SHROOM2: variants seen among roughly 807,000 people sequenced by gnomAD.
SHROOM2 encodes the protein shroom family member 2.
In SHROOM2, 33 loss-of-function variants were observed where a neutral mutation model predicts 75.9. The observed-to-expected ratio is 0.43, with a 90% CI of 0.33 to 0.58. The LOEUF (loss-of-function observed/expected upper bound fraction) is 0.58, where lower values mean the gene tolerates loss of function less well. SHROOM2 is among the 20% of genes least tolerant of loss of function. SHROOM2 has a pLI of 0.04. For synonymous variants in SHROOM2, 655 were observed against 663.6 expected (o/e 0.99, Z 0.20); for missense variants, 1,434 against 1,461.2 (o/e 0.98, Z 0.30).
intron 1 of SHROOM2, among the ~76,000 whole-genome samples, chrX:9,866,583 A>T (rs72612814): frequency 0.22 from 24,448 of 109,863 alleles, 2,508 homozygotes; most frequent in African/African-American, 0.39. Context: ...TCTGCCTCTT[A>T]CCCCAGGAGT....
chrX:9,893,885 C>T (rs2084307432), intron 3 of SHROOM2, among the ~76,000 whole-genome samples: 1 of 105,879 alleles, frequency 9.4e-6, no homozygotes, highest in Admixed American at 1.0e-4. Flanking sequence ...ACCCAGGAGG[C>T]GAAGGTTGCA....
intron 1 of SHROOM2, among the ~76,000 whole-genome samples, chrX:9,799,730 C>T (rs1029358384): frequency 1.0e-4 from 11 of 110,190 alleles, no homozygotes; most frequent in Non-Finnish European, 1.7e-4. Context: ...TGTGCTTCCT[C>T]GAGATAACGT....
chrX:9,910,240 T>A (rs1440945463), intron 5 of SHROOM2, among the ~76,000 whole-genome samples: 1 of 110,933 alleles, frequency 9.0e-6, no homozygotes, highest in Non-Finnish European at 1.9e-5. Context: ...AACAGAAAAT[T>A]TGAATAAAGT....
At chrX:9,888,202 G>C (rs868672859) in intron 2 of SHROOM2, among the ~76,000 whole-genome samples, 26 of 112,452 alleles carry the variant, frequency 2.3e-4, no homozygotes, top group African/African-American at 8.4e-4. Flanking sequence ...CAGATGCCCA[G>C]AAGCTTTGGG....
chrX:9,857,516 A>C (rs2084078004), intron 1 of SHROOM2, among the ~76,000 whole-genome samples: 1 of 109,200 alleles, frequency 9.2e-6, no homozygotes, highest in Non-Finnish European at 1.9e-5. Flanking sequence ...CCTCCAGAGT[A>C]GCTGGAACTA....
intron 5 of SHROOM2, among the ~76,000 whole-genome samples, chrX:9,911,552 C>A (rs1231408027): frequency 9.0e-6 from 1 of 111,150 alleles, no homozygotes; most frequent in African/African-American, 3.3e-5. Context: ...CTGTGAGGCG[C>A]AGTGGCTGGC....
intron 2 of SHROOM2, chrX:9,874,796 C>T (rs1159585818): frequency 9.2e-6 from 1 of 109,286 alleles, no homozygotes; most frequent in Non-Finnish European, 1.9e-5. Context: ...AAGGGCCAGA[C>T]GTGCTGGCTC....
intron 5 of SHROOM2, among the ~76,000 whole-genome samples, chrX:9,910,053 C>T (rs1417565110): frequency 9.1e-6 from 1 of 110,233 alleles, no homozygotes; most frequent in African/African-American, 3.3e-5. Flanking sequence ...CCAGAGGCCC[C>T]ACCTCCTAAC....
chrX:9,819,660 A>G (rs936345804), intron 1 of SHROOM2, among the ~76,000 whole-genome samples: 3 of 111,646 alleles, frequency 2.7e-5, no homozygotes, highest in Non-Finnish European at 5.6e-5. Flanking sequence ...TACAGGTACT[A>G]ATGGCTGCGC....
At chrX:9,823,035 C>CCTCCTT (rs2083863302) in intron 1 of SHROOM2, among the ~76,000 whole-genome samples, 1 of 17,278 alleles carries the variant, frequency 5.8e-5, no homozygotes, top group African/African-American at 2.1e-4. Context: ...TTCTCCTCCT[C>CCTCCTT]CTCCTCCTCC....
intron 5 of SHROOM2, among the ~76,000 whole-genome samples, chrX:9,926,338 A>T (rs11095522): frequency 9.0e-6 from 1 of 111,373 alleles, no homozygotes; most frequent in Admixed American, 9.6e-5. Context: ...AAATGCTTCA[A>T]AGTTCAAAAC....
At chrX:9,800,377 G>T (rs181876625) in intron 1 of SHROOM2, among the ~76,000 whole-genome samples, 1 of 110,678 alleles carries the variant, frequency 9.0e-6, no homozygotes, top group East Asian at 2.8e-4. Flanking sequence ...GTCATGCTCT[G>T]TCACCCAGGC....
At chrX:9,836,793 G>C (rs1464249456) in intron 1 of SHROOM2, among the ~76,000 whole-genome samples, 6 of 110,914 alleles carry the variant, frequency 5.4e-5, no homozygotes, top group Non-Finnish European at 1.1e-4. Flanking sequence ...GAGTTCAAAG[G>C]TGTGCATCCT....
At chrX:9,878,229 C>G (rs1398451551) in intron 2 of SHROOM2, among the ~76,000 whole-genome samples, 1 of 111,918 alleles carries the variant, frequency 8.9e-6, no homozygotes, top group Non-Finnish European at 1.9e-5. Context: ...TGGGCAGTTT[C>G]TCTTGAACCG....
chrX:9,813,038 G>A (rs780231931), intron 1 of SHROOM2, among the ~76,000 whole-genome samples: 21 of 112,241 alleles, frequency 1.9e-4, no homozygotes, highest in Middle Eastern at 4.7e-3. Context: ...AGAGTTGAAC[G>A]GGGATGTGGT....
rs1187181980 is a variant in SHROOM2 at position 9,895,634 on chromosome X, A to C, written c.1726A>C (p.Ser576Arg). Residue 576 changes from serine (S) to arginine (R), a missense_variant, in exon 4 of 10, where the codon AGC (serine) becomes CGC (arginine). Transcript: ENST00000380913. Reference sequence around the variant, plus strand: ...CAGCATCACGTGGGCAGATGGGGAGAGCAGCAGGATCTGCCCGCAGGAGAC... The same window carrying C: ...CAGCATCACGTGGGCAGATGGGGAGCGCAGCAGGATCTGCCCGCAGGAGAC... ...AASITWADGE[S>R]SRICPQETPL... 2.0e-5 allele frequency: 23 copies of C among 1,163,918 alleles called. No individual in the cohort carries two copies. The highest frequency in any genetic ancestry group is 3.2e-5 in the East Asian group (1 of 30,977).
chrX:9,878,199 C>T (rs187960786), intron 2 of SHROOM2, among the ~76,000 whole-genome samples: 8 of 112,035 alleles, frequency 7.1e-5, no homozygotes, highest in Non-Finnish European at 1.3e-4. Flanking sequence ...CCACCTGCCA[C>T]CTTGTCACAG....
At chrX:9,928,768 T>G (rs1289958360) in intron 5 of SHROOM2, among the ~76,000 whole-genome samples, 2 of 110,641 alleles carry the variant, frequency 1.8e-5, no homozygotes, top group Non-Finnish European at 3.8e-5. Context: ...ACAACATACA[T>G]CTACACACAG....
At chrX:9,812,966 A>G (rs1300892499) in intron 1 of SHROOM2, among the ~76,000 whole-genome samples, 1 of 112,373 alleles carries the variant, frequency 8.9e-6, no homozygotes, top group Non-Finnish European at 1.9e-5. Context: ...CACTTGGTGA[A>G]GCTTACGATA....
Sources: allele counts gnomAD v4.1 joint callset (sites outside exome capture counted in the v4.1 genomes callset), GRCh38; gene constraint gnomAD v4.1.1; transcripts MANE v1.5; gene names NCBI Gene and HGNC (gene_info 2026-07-23, HGNC 2026-07-21).